Variants in AHCYL2 observed in about 807,000 individuals in gnomAD.
AHCYL2 encodes S-adenosylhomocysteine hydrolase-like protein 2.
A neutral mutation model predicts 81.4 loss-of-function variants in AHCYL2; 28 were observed. The observed-to-expected ratio is 0.34, with a 90% CI of 0.25 to 0.47. The LOEUF is 0.47. Among genes scored for constraint, AHCYL2 ranks in the 20% least tolerant of loss-of-function variants. AHCYL2 has a pLI of 1.00. For missense variants in AHCYL2, 551 were observed against 785.1 expected (o/e 0.70, Z 3.56); for synonymous variants, 272 against 290.2 (o/e 0.94, Z 0.64).
chr7:129,292,462 C>T (rs1345631134), intron 1 of AHCYL2, among the ~76,000 whole-genome samples: 1 of 152,076 alleles, frequency 6.6e-6, no homozygotes, highest in African/African-American at 2.4e-5. Context: ...TTAAATGTGA[C>T]ACAAGAATGA....
At chr7:129,302,599 C>T (rs1393728202) in intron 1 of AHCYL2, among the ~76,000 whole-genome samples, 1 of 152,162 alleles carries the variant, frequency 6.6e-6, no homozygotes, top group Admixed American at 6.5e-5. Flanking sequence ...AATGCTTTTT[C>T]AGCATCAGTT....
chr7:129,385,494 C>G (rs1003947145), intron 2 of AHCYL2, among the ~76,000 whole-genome samples: 12 of 152,206 alleles, frequency 7.9e-5, no homozygotes, highest in African/African-American at 2.9e-4. Flanking sequence ...ATTCTTGATT[C>G]ATCATGCTGT....
intron 1 of AHCYL2, among the ~76,000 whole-genome samples, chr7:129,312,673 CT>C (rs895316379): frequency 2.0e-5 from 3 of 152,136 alleles, no homozygotes; most frequent in Admixed American, 2.0e-4. Flanking sequence ...ACTATTTAGA[CT>C]TTTTTTATTT....
chr7:129,359,158 G>T (rs2150840503), intron 1 of AHCYL2, among the ~76,000 whole-genome samples: 1 of 152,016 alleles, frequency 6.6e-6, no homozygotes, highest in East Asian at 1.9e-4. Context: ...TCATGCAATG[G>T]GATACTTTCC....
intron 1 of AHCYL2, among the ~76,000 whole-genome samples, chr7:129,282,314 C>T (rs1796472519): frequency 6.6e-6 from 1 of 151,886 alleles, no homozygotes; most frequent in South Asian, 2.1e-4. Flanking sequence ...CTTTAAATAT[C>T]CCTGTTTATC....
At chr7:129,356,302 A>G (rs528375580) in intron 1 of AHCYL2, among the ~76,000 whole-genome samples, 2 of 152,288 alleles carry the variant, frequency 1.3e-5, no homozygotes, top group Admixed American at 1.3e-4. Flanking sequence ...TATTTTTATC[A>G]CATTCTGCAG....
chr7:129,274,351 C>A (rs965024625), intron 1 of AHCYL2, among the ~76,000 whole-genome samples: 1 of 152,156 alleles, frequency 6.6e-6, no homozygotes, highest in Non-Finnish European at 1.5e-5. Flanking sequence ...ACATCTGGAC[C>A]TGATTTAGAT....
chr7:129,396,515 C>T (rs938193153), intron 4 of AHCYL2, among the ~76,000 whole-genome samples: 5 of 150,594 alleles, frequency 3.3e-5, no homozygotes, highest in South Asian at 2.1e-4. Flanking sequence ...TTCGCCTCAC[C>T]GTTTCAAGCC....
intron 11 of AHCYL2, among the ~76,000 whole-genome samples, chr7:129,412,701 C>T (rs550252889): frequency 6.6e-6 from 1 of 152,204 alleles, no homozygotes; most frequent in South Asian, 2.1e-4. Context: ...TTGATATTGC[C>T]ATCCTAGTGA....
chr7:129,247,437 C>T (rs1233077809), intron 1 of AHCYL2, among the ~76,000 whole-genome samples: 1 of 152,100 alleles, frequency 6.6e-6, no homozygotes, highest in Non-Finnish European at 1.5e-5. Context: ...TGTAGGAATT[C>T]TTTATACAGC....
intron 1 of AHCYL2, among the ~76,000 whole-genome samples, chr7:129,299,384 T>G (rs1160377688): frequency 3.3e-4 from 14 of 42,580 alleles, no homozygotes; most frequent in South Asian, 3.0e-3. Flanking sequence ...TTTTTTTTTT[T>G]TTTTTTTTTT....
In AHCYL2 at chr7:129,292,560, A is replaced by C. The variant is rs577730072; in HGVS notation, c.363+67121A>C. 2.0e-5 allele frequency among the ~76,000 whole-genome samples: 3 copies of C among 152,294 alleles called. No individual in the cohort carries two copies. The East Asian group carries it at 5.8e-4, about 29-fold the overall frequency. On this transcript the variant is annotated intron_variant, in intron 1 of 16. Transcript: ENST00000325006. ...GACAGGCAGATCACCTGAGGTCAGGAGTTCAAGACCAGCCAGGCCAACATG... is the reference window on the plus strand; with the variant it reads ...GACAGGCAGATCACCTGAGGTCAGGCGTTCAAGACCAGCCAGGCCAACATG...
intron 2 of AHCYL2, among the ~76,000 whole-genome samples, chr7:129,386,182 G>C (rs1343860813): frequency 6.6e-6 from 1 of 152,070 alleles, no homozygotes; most frequent in Non-Finnish European, 1.5e-5. Context: ...GCTCTTTGAG[G>C]CCGGGCATGG....
intron 1 of AHCYL2, among the ~76,000 whole-genome samples, chr7:129,230,451 G>A (rs1371054117): frequency 6.6e-6 from 1 of 152,024 alleles, no homozygotes; most frequent in African/African-American, 2.4e-5. Context: ...ACTGAGTGTC[G>A]AAGAGATTAA....
intron 1 of AHCYL2, among the ~76,000 whole-genome samples, chr7:129,255,320 A>G (rs1033543392): frequency 6.6e-6 from 1 of 152,176 alleles, no homozygotes; most frequent in Non-Finnish European, 1.5e-5. Context: ...CTTATACTTA[A>G]CCCAGTAAAT....
Position 129,335,440 on chromosome 7 carries a change from A to G in AHCYL2, c.364-44198A>G, listed in dbSNP as rs539413782. Among the ~76,000 whole-genome samples, 12 of 152,292 alleles carry G rather than the reference A, an allele frequency of 7.9e-5. No individual in the cohort carries two copies. In the South Asian group the frequency reaches 2.5e-3, roughly 32 times the overall value. On this transcript the variant is annotated intron_variant, in intron 1 of 16. Coordinates refer to ENST00000325006, the MANE Select transcript of AHCYL2 (RefSeq NM_015328.4). ...AGAGGAGAGCTTGTCTGTTAAAGAA[A>G]AATACCTATTACAGTTAGTGTTGTT...
intron 1 of AHCYL2, among the ~76,000 whole-genome samples, chr7:129,277,285 T>G (rs1019075466): frequency 7.3e-5 from 11 of 151,584 alleles, no homozygotes; most frequent in African/African-American, 1.2e-4. Flanking sequence ...TCTCTTTTTT[T>G]TTTTTTTTTT....
At chr7:129,303,741 A>G (rs961316335) in intron 1 of AHCYL2, among the ~76,000 whole-genome samples, 1 of 152,052 alleles carries the variant, frequency 6.6e-6, no homozygotes, top group South Asian at 2.1e-4. Context: ...TTGTTAGGCT[A>G]TTTATTTGAT....
At chr7:129,281,489 ATTTTTTTTTTTT>A (rs34422629) in intron 1 of AHCYL2, among the ~76,000 whole-genome samples, 2 of 74,146 alleles carry the variant, frequency 2.7e-5, no homozygotes, top group East Asian at 3.8e-4. Context: ...CTGTTTCTAG[ATTTTTTTTTTTT>A]TTTTTTTTTT....
Sources: gnomAD v4.1 joint callset for allele counts (sites outside exome capture counted in the v4.1 genomes callset) on GRCh38, gnomAD v4.1.1 for gene constraint, MANE v1.5 for transcripts, NCBI Gene and HGNC (gene_info 2026-07-23, HGNC 2026-07-21) for gene names.